The following CNTNAP2 variants were observed in gnomAD, a reference collection of about 807,000 sequenced individuals.
CNTNAP2 encodes contactin-associated protein-like 2.
A neutral mutation model predicts 155.2 loss-of-function variants in CNTNAP2; 98 were observed. That is an observed-to-expected ratio of 0.63 (90% CI 0.54 to 0.75). CNTNAP2 has a LOEUF of 0.75. CNTNAP2 is among the 30% of genes least tolerant of loss of function. CNTNAP2 has a pLI of 0.00. For missense variants in CNTNAP2, 1,727 were observed against 1,688.1 expected (o/e 1.02, Z -0.40); for synonymous variants, 651 against 631.2 (o/e 1.03, Z -0.47).
At chr7:146,245,636 C>T (rs567646181) in intron 1 of CNTNAP2, among the ~76,000 whole-genome samples, 7 of 152,056 alleles carry the variant, frequency 4.6e-5, no homozygotes, top group African/African-American at 9.7e-5. Flanking sequence ...GGAGATTAAT[C>T]GGATACGATC....
chr7:146,592,312 G>T (rs866615804), intron 1 of CNTNAP2, among the ~76,000 whole-genome samples: 4 of 152,222 alleles, frequency 2.6e-5, no homozygotes, highest in African/African-American at 7.2e-5. Context: ...ATGCAAAGAA[G>T]ATCTGGACAA....
intron 17 of CNTNAP2, 139 bp from the exon 18 acceptor site, chr7:148,172,103 T>TG: frequency 3.5e-6 from 3 of 861,260 alleles, no homozygotes; most frequent in Non-Finnish European, 5.8e-6. Flanking sequence ...CTTTCTCTAT[T>TG]TAGATAGGAC....
rs192763087 is a variant in CNTNAP2 at position 147,959,398 on chromosome 7, G to A, written c.2256-18464G>A. Among the ~76,000 whole-genome samples, 189 of 152,190 alleles carry A rather than the reference G, an allele frequency of 1.2e-3. 1 individual carries two copies. The highest frequency in any genetic ancestry group is 4.2e-3 in the African/African-American group (176 of 41,532). On this transcript the variant is annotated intron_variant, in intron 14 of 23. Coordinates refer to ENST00000361727, the MANE Select transcript of CNTNAP2 (RefSeq NM_014141.6). ...ACCATGAGTTTGATGCAAGGCAAGC[G>A]AGCCCCAAAGTGGGGCTTAGCCCAT...
At chr7:147,267,693 G>C (rs979066362) in intron 8 of CNTNAP2, among the ~76,000 whole-genome samples, 1 of 152,072 alleles carries the variant, frequency 6.6e-6, no homozygotes, top group Non-Finnish European at 1.5e-5. Context: ...TCACTTGTTT[G>C]TTGAATAAAT....
chr7:147,071,758 C>T (rs1477928959), intron 4 of CNTNAP2, among the ~76,000 whole-genome samples: 1 of 152,102 alleles, frequency 6.6e-6, no homozygotes, highest in Non-Finnish European at 1.5e-5. Flanking sequence ...AATGAATGAC[C>T]AAAAATGCTG....
intron 11 of CNTNAP2, among the ~76,000 whole-genome samples, chr7:147,542,204 A>G (rs973689812): frequency 5.3e-5 from 8 of 151,682 alleles, no homozygotes; most frequent in South Asian, 2.1e-4. Context: ...GTGCCTCCTC[A>G]CCTACCACAC....
chr7:147,737,409 C>T (rs1016750494), intron 13 of CNTNAP2, among the ~76,000 whole-genome samples: 5 of 152,052 alleles, frequency 3.3e-5, no homozygotes, highest in East Asian at 3.9e-4. Flanking sequence ...GGTACCCGGC[C>T]GGGTGAGGTG....
At chr7:146,160,846 AT>A (rs1460233995) in intron 1 of CNTNAP2, among the ~76,000 whole-genome samples, 2 of 152,210 alleles carry the variant, frequency 1.3e-5, no homozygotes, top group African/African-American at 4.8e-5. Flanking sequence ...TCCCTAATTC[AT>A]TTTTTGAGGC....
intron 2 of CNTNAP2, among the ~76,000 whole-genome samples, chr7:146,785,668 A>G (rs1802563568): frequency 6.6e-6 from 1 of 152,244 alleles, no homozygotes; most frequent in African/African-American, 2.4e-5. Context: ...CAGATGAGTA[A>G]CAACAACCAA....
At chr7:146,618,580 A>G (rs79010707) in intron 1 of CNTNAP2, among the ~76,000 whole-genome samples, 38 of 152,312 alleles carry the variant, frequency 2.5e-4, no homozygotes, top group East Asian at 9.7e-4. Context: ...CTAAAATTCA[A>G]TCCTAGGGTA....
intron 2 of CNTNAP2, among the ~76,000 whole-genome samples, chr7:146,779,459 G>C (rs1046856987): frequency 1.2e-4 from 18 of 152,236 alleles, no homozygotes; most frequent in African/African-American, 4.3e-4. Flanking sequence ...TACACCAGAT[G>C]AGGTAATATC....
chr7:146,679,351 T>TTC (rs1800460874), intron 1 of CNTNAP2, among the ~76,000 whole-genome samples: 2 of 142,846 alleles, frequency 1.4e-5, no homozygotes. Flanking sequence ...TTGTTTCTTT[T>TTC]TTTTTTTTTT....
At chr7:147,859,317 C>T (rs182013667) in intron 13 of CNTNAP2, among the ~76,000 whole-genome samples, 11 of 151,164 alleles carry the variant, frequency 7.3e-5, no homozygotes, top group Admixed American at 3.3e-4. Flanking sequence ...TTTGTCATCT[C>T]ATGAGATCAC....
chr7:147,134,580 T>G (rs186076290), intron 8 of CNTNAP2, among the ~76,000 whole-genome samples: 33 of 151,912 alleles, frequency 2.2e-4, no homozygotes, highest in Middle Eastern at 3.4e-3. Context: ...TGAGAAACAT[T>G]AGTTGAAAAA....
chr7:147,048,067 ATTTTTT>A (rs11352009), intron 4 of CNTNAP2, among the ~76,000 whole-genome samples: 8,214 of 90,588 alleles, frequency 0.091, 263 homozygotes, highest in Middle Eastern at 0.15. Context: ...CGGAGAGACA[ATTTTTT>A]TTTTTTTTTT....
chr7:147,099,472 T>G (rs1438094560), intron 4 of CNTNAP2, among the ~76,000 whole-genome samples: 1 of 152,078 alleles, frequency 6.6e-6, no homozygotes, highest in African/African-American at 2.4e-5. Context: ...CCATTACCCC[T>G]GCTCCCACCC....
intron 10 of CNTNAP2, among the ~76,000 whole-genome samples, chr7:147,468,208 A>T (rs188243682): frequency 1.1e-4 from 16 of 152,118 alleles, no homozygotes; most frequent in African/African-American, 3.9e-4. Context: ...GGATTGCTTG[A>T]CCCTAGGAGT....
intron 13 of CNTNAP2, among the ~76,000 whole-genome samples, chr7:147,668,977 A>G (rs917693744): frequency 3.3e-5 from 5 of 151,944 alleles, no homozygotes; most frequent in East Asian, 1.9e-4. Context: ...TATCTTTTAT[A>G]TTAATTTTTA....
chr7:146,920,030 T>C (rs962990923), intron 3 of CNTNAP2, among the ~76,000 whole-genome samples: 3 of 152,148 alleles, frequency 2.0e-5, no homozygotes, highest in African/African-American at 7.2e-5. Context: ...AATAATAAGA[T>C]TTAATAAAAT....
Sources: allele counts gnomAD v4.1 joint callset (sites outside exome capture counted in the v4.1 genomes callset), GRCh38; gene constraint gnomAD v4.1.1; transcripts MANE v1.5; gene names NCBI Gene and HGNC (gene_info 2026-07-23, HGNC 2026-07-21).